The following SNX10 variants were observed in gnomAD, a reference collection of about 807,000 sequenced individuals.
SNX10 encodes sorting nexin-10.
SNX10 carries 25 observed loss-of-function variants against 28.5 expected under a neutral mutation model. That is an observed-to-expected ratio of 0.88 (90% confidence interval 0.64 to 1.22). The LOEUF is 1.22. Among genes scored for constraint, SNX10 ranks in the 50% most tolerant of loss-of-function variants. The probability of loss-of-function intolerance (pLI) is 0.00; values close to 1 mark genes in which losing one functional copy is unlikely to be tolerated. For synonymous variants in SNX10, 62 were observed against 81.4 expected, an observed-to-expected ratio of 0.76 and a Z score of 1.28; for missense variants, 223 against 242.6, an observed-to-expected ratio of 0.92 and a Z score of 0.54.
At chr7:26,366,068 C>T (rs1016137641) in intron 5 of SNX10, among the ~76,000 whole-genome samples, 1 of 152,130 alleles carries the variant, frequency 6.6e-6, no homozygotes, top group Non-Finnish European at 1.5e-5. Context: ...TTTTGCTTTC[C>T]TAATTTCCAA....
At chr7:26,363,229 T>G (rs1450617793) in intron 3 of SNX10, among the ~76,000 whole-genome samples, 3 of 152,172 alleles carry the variant, frequency 2.0e-5, no homozygotes, top group Admixed American at 1.3e-4. Flanking sequence ...ATAATGGGAT[T>G]TAGACCAGTG....
At chr7:26,333,222 T>G (rs1787806099) in intron 1 of SNX10, among the ~76,000 whole-genome samples, 1 of 152,172 alleles carries the variant, frequency 6.6e-6, no homozygotes, top group African/African-American at 2.4e-5. Context: ...TATGTTTTTC[T>G]GTTTATTTTG....
At chr7:26,301,262 T>G (rs1377820536) in intron 1 of SNX10, among the ~76,000 whole-genome samples, 1 of 152,148 alleles carries the variant, frequency 6.6e-6, no homozygotes, top group Non-Finnish European at 1.5e-5. Flanking sequence ...TATATTCTCT[T>G]GTGCTCAAGA....
At chr7:26,328,419 T>G (rs1787588655) in intron 1 of SNX10, among the ~76,000 whole-genome samples, 1 of 152,202 alleles carries the variant, frequency 6.6e-6, no homozygotes, top group Non-Finnish European at 1.5e-5. Flanking sequence ...TTGAGGTGTG[T>G]GCAGAATGTC....
At chr7:26,372,232 T>G (rs1002122036) in intron 6 of SNX10, 199 bp downstream of exon 6, 2 of 591,970 alleles carry the variant, frequency 3.4e-6, no homozygotes, top group Admixed American at 3.0e-5. Context: ...CCACACTGAA[T>G]TAATGAATGC....
intron 1 of SNX10, among the ~76,000 whole-genome samples, chr7:26,342,966 T>A (rs1788239268): frequency 6.6e-6 from 1 of 152,072 alleles, no homozygotes. Context: ...CATGCTATCA[T>A]GCCCAGCTAA....
chr7:26,316,741 G>A (rs1180008024), intron 1 of SNX10, among the ~76,000 whole-genome samples: 1 of 152,176 alleles, frequency 6.6e-6, no homozygotes, highest in Non-Finnish European at 1.5e-5. Flanking sequence ...TCACTTAGCA[G>A]GATTTGAGCC....
chr7:26,335,993 A>C (rs2128006775), intron 1 of SNX10, among the ~76,000 whole-genome samples: 1 of 151,856 alleles, frequency 6.6e-6, no homozygotes, highest in Non-Finnish European at 1.5e-5. Flanking sequence ...GGCCTCCCAA[A>C]GTGCTGGGAT....
chr7:26,346,859 G>A (rs1788408398), intron 2 of SNX10, among the ~76,000 whole-genome samples: 1 of 152,244 alleles, frequency 6.6e-6, no homozygotes. Context: ...TGCCCCACTT[G>A]TTGCCTGGGC....
chr7:26,301,177 G>C (rs1323987071), intron 1 of SNX10, among the ~76,000 whole-genome samples: 4 of 152,262 alleles, frequency 2.6e-5, no homozygotes, highest in Non-Finnish European at 2.9e-5. Flanking sequence ...ACCACACACA[G>C]AGTGTATGTC....
rs543363248 is a variant in SNX10, at chr7:26,347,606, T to TA, written c.24+1140_24+1141insA. Reference sequence around the variant, plus strand: ...GACTCATGCCTGTAATCCCAGCACTTTGGGAGACCGAGGTGGTTGGATTAC... The same window carrying TA: ...GACTCATGCCTGTAATCCCAGCACTTATGGGAGACCGAGGTGGTTGGATTAC... On this transcript the variant is annotated intron_variant, in intron 2 of 6. Transcript: ENST00000338523. Among the ~76,000 whole-genome samples the TA allele has an allele frequency of 6.5e-3, 994 of 152,292 alleles. 11 individuals are homozygous for TA. The highest frequency in any genetic ancestry group is 0.022 in the African/African-American group (932 of 41,552).
chr7:26,372,138 A>G (rs753610192), intron 6 of SNX10, 105 bp downstream of exon 6: 34 of 762,908 alleles, frequency 4.5e-5, no homozygotes, highest in Non-Finnish European at 6.6e-5. Flanking sequence ...TTTTGTTGAT[A>G]TAATACTAAG....
chr7:26,354,594 T>C (rs1333920723), intron 2 of SNX10, among the ~76,000 whole-genome samples: 3 of 152,360 alleles, frequency 2.0e-5, no homozygotes, highest in African/African-American at 7.2e-5. Context: ...TTTCCCAGGC[T>C]GGTCTTGAAC....
chr7:26,329,609 A>C (rs1787647038), intron 1 of SNX10, among the ~76,000 whole-genome samples: 1 of 151,512 alleles, frequency 6.6e-6, no homozygotes, highest in Non-Finnish European at 1.5e-5. Context: ...AACAAGCGTT[A>C]GTTTGCTTAG....
intron 1 of SNX10, among the ~76,000 whole-genome samples, chr7:26,329,478 C>G (rs78173660): frequency 0.01 from 1,531 of 152,308 alleles, 21 homozygotes; most frequent in African/African-American, 0.035. Context: ...TTGTTTTTCT[C>G]ATTAAGCTTG....
chr7:26,371,769 T>G, intron 5 of SNX10, 52 bp from the exon 6 acceptor site: 2 of 1,286,878 alleles, frequency 1.6e-6, no homozygotes, highest in Non-Finnish European at 2.2e-6. Flanking sequence ...TCTTCTACCC[T>G]ATCACTGACC....
intron 1 of SNX10, among the ~76,000 whole-genome samples, chr7:26,337,785 T>A (rs1435721573): frequency 1.3e-5 from 2 of 152,242 alleles, no homozygotes; most frequent in Non-Finnish European, 2.9e-5. Context: ...GACCCACAAA[T>A]AGCTCTTTGA....
chr7:26,332,348 T>A (rs1294354563), intron 1 of SNX10, among the ~76,000 whole-genome samples: 1 of 152,246 alleles, frequency 6.6e-6, no homozygotes, highest in Admixed American at 6.5e-5. Flanking sequence ...ATATCAAGCA[T>A]CTTTTCATTT....
At chr7:26,358,645 T>C (rs1788925108) in intron 2 of SNX10, among the ~76,000 whole-genome samples, 2 of 151,804 alleles carry the variant, frequency 1.3e-5, no homozygotes, top group African/African-American at 4.8e-5. Context: ...CGGGGTTGGC[T>C]AAGGTAGGAG....
Sources: allele counts gnomAD v4.1 joint callset (sites outside exome capture counted in the v4.1 genomes callset), GRCh38; gene constraint gnomAD v4.1.1; transcripts MANE v1.5; gene names NCBI Gene and HGNC (gene_info 2026-07-23, HGNC 2026-07-21).